Variants in THSD7B observed in about 807,000 individuals in gnomAD.
THSD7B encodes thrombospondin type-1 domain-containing protein 7B.
A neutral mutation model predicts 213.6 loss-of-function variants in THSD7B; 138 were observed. The ratio of observed to expected loss-of-function variants is 0.65; its 90% CI spans 0.56 to 0.74. The LOEUF (loss-of-function observed/expected upper bound fraction) is 0.74. THSD7B is among the 30% of genes least tolerant of loss of function. THSD7B has a pLI of 0.00. For synonymous variants in THSD7B, 742 were observed against 687.0 expected (o/e 1.08, Z -1.25); for missense variants, 1,931 against 1,991.5 (o/e 0.97, Z 0.58).
chr2:137,478,336 CTGAT>C (rs1688233542), intron 15 of THSD7B, among the ~76,000 whole-genome samples: 1 of 152,030 alleles, frequency 6.6e-6, no homozygotes, highest in African/African-American at 2.4e-5. Flanking sequence ...ATTCTTTTGT[CTGAT>C]TGATTGAGTC....
intron 12 of THSD7B, among the ~76,000 whole-genome samples, chr2:137,328,957 G>C (rs1573964141): frequency 6.6e-6 from 1 of 152,146 alleles, no homozygotes; most frequent in African/African-American, 2.4e-5. Context: ...AAATTACCCA[G>C]GCTCAGGCAG....
chr2:136,953,153 A>G (rs186783623), intron 2 of THSD7B, among the ~76,000 whole-genome samples: 65 of 152,332 alleles, frequency 4.3e-4, no homozygotes, highest in African/African-American at 1.5e-3. Context: ...AAAAACTAAA[A>G]CATAGTCACA....
intron 2 of THSD7B, among the ~76,000 whole-genome samples, chr2:136,893,789 T>C (rs558838): frequency 0.74 from 113,193 of 152,118 alleles, 43,437 homozygotes; most frequent in East Asian, 0.92. Flanking sequence ...ATGCTGTAGA[T>C]ATTAGGGCCA....
intron 2 of THSD7B, among the ~76,000 whole-genome samples, chr2:136,931,998 T>C (rs1157115367): frequency 1.3e-5 from 2 of 152,184 alleles, no homozygotes; most frequent in African/African-American, 4.8e-5. Flanking sequence ...ATTTAAAAAA[T>C]TATATTTAAC....
At position 137,279,742 on chromosome 2, in the gene THSD7B, G is replaced by T. The variant is rs138731623; in HGVS notation, c.2500+3716G>T. ...TTTTTTGCTGGTTTAAACACATAGG[G>T]TCTTGTTTCTTTACGCATATTAATA... On this transcript the variant is annotated intron_variant, in intron 12 of 27. Transcript: ENST00000409968. Among the ~76,000 whole-genome samples, 16 of 152,190 alleles carry T rather than the reference G, an allele frequency of 1.1e-4. No individual in the cohort carries two copies. In the East Asian group the frequency reaches 2.9e-3, roughly 28 times the overall value.
intron 1 of THSD7B, among the ~76,000 whole-genome samples, chr2:136,836,077 A>G (rs925672283): frequency 1.3e-5 from 2 of 152,242 alleles, no homozygotes; most frequent in Non-Finnish European, 2.9e-5. Context: ...CTGTTTTCAA[A>G]TATGAAATTA....
chr2:137,152,612 G>A (rs1465704423), intron 5 of THSD7B, among the ~76,000 whole-genome samples: 3 of 152,152 alleles, frequency 2.0e-5, no homozygotes, highest in Non-Finnish European at 4.4e-5. Flanking sequence ...ATAGCACCTA[G>A]AGCCAAGTGG....
chr2:137,287,850 G>T (rs1682363080), intron 12 of THSD7B, among the ~76,000 whole-genome samples: 1 of 152,032 alleles, frequency 6.6e-6, no homozygotes, highest in Non-Finnish European at 1.5e-5. Context: ...TTCTCTTCTA[G>T]CTACACGGTT....
At chr2:137,275,204 G>A (rs1203515118) in intron 11 of THSD7B, among the ~76,000 whole-genome samples, 1 of 152,076 alleles carries the variant, frequency 6.6e-6, no homozygotes, top group African/African-American at 2.4e-5. Flanking sequence ...CTTCAAGACT[G>A]TATCCTCTGA....
chr2:137,600,714 G>A (rs1381698725), intron 17 of THSD7B, among the ~76,000 whole-genome samples: 1 of 152,152 alleles, frequency 6.6e-6, no homozygotes, highest in East Asian at 1.9e-4. Flanking sequence ...CTCCAGTGTG[G>A]GCAACAGAGA....
At chr2:137,631,402 T>C (rs958073658) in intron 20 of THSD7B, among the ~76,000 whole-genome samples, 16 of 152,286 alleles carry the variant, frequency 1.1e-4, no homozygotes, top group African/African-American at 3.6e-4. Flanking sequence ...CAGACTATGA[T>C]TTATTTGTAT....
intron 7 of THSD7B, among the ~76,000 whole-genome samples, chr2:137,181,718 A>T (rs1680458962): frequency 6.6e-6 from 1 of 151,998 alleles, no homozygotes; most frequent in South Asian, 2.1e-4. Context: ...GCAATTAATG[A>T]TATGTAGCAT....
chr2:137,115,871 T>G (rs745665), intron 5 of THSD7B, among the ~76,000 whole-genome samples: 33,093 of 152,004 alleles, frequency 0.22, 3,810 homozygotes, highest in African/African-American at 0.29. Context: ...ATTTAGAGAC[T>G]GGGAAACTTG....
intron 12 of THSD7B, among the ~76,000 whole-genome samples, chr2:137,364,508 C>T (rs1158127599): frequency 6.6e-6 from 1 of 152,094 alleles, no homozygotes; most frequent in East Asian, 1.9e-4. Flanking sequence ...ATCATCTCAG[C>T]CAAAATCTCC....
intron 7 of THSD7B, among the ~76,000 whole-genome samples, chr2:137,200,384 C>T (rs1455815399): frequency 1.3e-5 from 2 of 151,948 alleles, no homozygotes; most frequent in Non-Finnish European, 2.9e-5. Context: ...TACTGTTCAA[C>T]CTTGTTTTAG....
chr2:137,432,417 T>A (rs536711502), intron 14 of THSD7B, among the ~76,000 whole-genome samples: 8 of 152,132 alleles, frequency 5.3e-5, no homozygotes, highest in Admixed American at 2.6e-4. Context: ...AAATAAAAAA[T>A]AAAAATTGTC....
At chr2:136,842,521 A>C (rs775972320) in intron 1 of THSD7B, among the ~76,000 whole-genome samples, 2 of 152,242 alleles carry the variant, frequency 1.3e-5, no homozygotes, top group Non-Finnish European at 2.9e-5. Flanking sequence ...GATTTCAGGG[A>C]AAACAGGATA....
intron 20 of THSD7B, among the ~76,000 whole-genome samples, chr2:137,634,596 AG>A (rs1382319466): frequency 6.6e-6 from 1 of 152,204 alleles, no homozygotes; most frequent in Non-Finnish European, 1.5e-5. Context: ...CATAATTTCC[AG>A]TAAATTCAAT....
chr2:137,532,411 A>G (rs1680414647), intron 15 of THSD7B, among the ~76,000 whole-genome samples: 1 of 151,910 alleles, frequency 6.6e-6, no homozygotes, highest in East Asian at 1.9e-4. Flanking sequence ...ATTGAGAAAA[A>G]AAGAATTATT....
Sources: gnomAD v4.1 joint callset for allele counts (sites outside exome capture counted in the v4.1 genomes callset) on GRCh38, gnomAD v4.1.1 for gene constraint, MANE v1.5 for transcripts, NCBI Gene and HGNC (gene_info 2026-07-23, HGNC 2026-07-21) for gene names.